The following TMTC2 variants were observed in gnomAD, a reference collection of about 807,000 sequenced individuals.
TMTC2 encodes the protein transmembrane O-mannosyltransferase targeting cadherins 2.
In TMTC2, 43 loss-of-function variants were observed where a neutral mutation model predicts 82.4. The observed-to-expected ratio is 0.52, with a 90% CI of 0.41 to 0.67. TMTC2 has a LOEUF of 0.67. Among genes scored for constraint, TMTC2 ranks in the 30% least tolerant of loss-of-function variants. TMTC2 has a pLI of 0.00. For missense variants in TMTC2, 919 were observed against 1,012.4 expected (o/e 0.91, Z 1.25); for synonymous variants, 408 against 381.9 (o/e 1.07, Z -0.80).
chr12:83,083,242 A>G (rs775999993), intron 11 of TMTC2, among the ~76,000 whole-genome samples: 1 of 152,218 alleles, frequency 6.6e-6, no homozygotes, highest in Non-Finnish European at 1.5e-5. Context: ...CTGCCAAGCT[A>G]CATAGACAAT....
chr12:83,005,213 A>G (rs1880130807), intron 8 of TMTC2, among the ~76,000 whole-genome samples: 2 of 63,366 alleles, frequency 3.2e-5, no homozygotes, highest in Non-Finnish European at 8.4e-5. Flanking sequence ...TATTAAAAAA[A>G]AAAAAAAAAA....
chr12:82,931,829 T>C (rs1404379712), intron 4 of TMTC2, among the ~76,000 whole-genome samples: 2 of 152,178 alleles, frequency 1.3e-5, no homozygotes, highest in African/African-American at 4.8e-5. Flanking sequence ...AGTGTCTGTA[T>C]TAATCCCGGA....
Position 82,891,403 on chromosome 12 carries a change from G to A in TMTC2, c.655-4415G>A, listed in dbSNP as rs375422424. 5.3e-5 allele frequency among the ~76,000 whole-genome samples: 8 copies of A among 152,232 alleles called. No homozygotes were observed. The East Asian group carries it at 1.4e-3, about 26-fold the overall frequency. On this transcript the variant is annotated intron_variant, in intron 2 of 11. Coordinates refer to ENST00000321196, the MANE Select transcript of TMTC2 (RefSeq NM_152588.3). The stretch of plus-strand genomic sequence containing the variant: ...GGCTCACTGCAACCTCCGCCTCCTG[G>A]GTTCAAGCGATTCTGCTGCCTCAGC...
chr12:82,952,987 A>AT (rs1877425590), intron 4 of TMTC2, among the ~76,000 whole-genome samples: 1 of 152,176 alleles, frequency 6.6e-6, no homozygotes, highest in South Asian at 2.1e-4. Context: ...CCAGTTACAC[A>AT]TTTTTTAAAT....
At chr12:83,102,653 G>C (rs1884258871) in intron 11 of TMTC2, among the ~76,000 whole-genome samples, 1 of 152,204 alleles carries the variant, frequency 6.6e-6, no homozygotes, top group Non-Finnish European at 1.5e-5. Flanking sequence ...TCCAACCGTG[G>C]ATAGCATTCC....
chr12:82,863,384 G>A (rs898209935), intron 2 of TMTC2, among the ~76,000 whole-genome samples: 2 of 152,082 alleles, frequency 1.3e-5, no homozygotes, highest in Non-Finnish European at 2.9e-5. Flanking sequence ...AGGGCTGTTT[G>A]TTAGGCCCTT....
intron 11 of TMTC2, among the ~76,000 whole-genome samples, chr12:83,111,788 A>G (rs1331455058): frequency 2.0e-5 from 3 of 152,304 alleles, no homozygotes; most frequent in East Asian, 1.9e-4. Flanking sequence ...ACATTTAAAA[A>G]GGAAAAATTA....
At chr12:83,126,656 G>T (rs1208401216) in intron 11 of TMTC2, among the ~76,000 whole-genome samples, 1 of 152,030 alleles carries the variant, frequency 6.6e-6, no homozygotes, top group African/African-American at 2.4e-5. Context: ...CTTAACAATT[G>T]GATGTGAGTA....
At position 82,736,977 on chromosome 12, in the gene TMTC2, A is replaced by C. The variant is rs181623295; in HGVS notation, c.83+49308A>C. Among the ~76,000 whole-genome samples the C allele has an allele frequency of 8.5e-5, 13 of 152,324 alleles. No homozygotes were observed. The East Asian group carries it at 2.3e-3, about 27-fold the overall frequency. On this transcript the variant is annotated intron_variant, in intron 1 of 11. Coordinates refer to ENST00000321196, the MANE Select transcript of TMTC2 (RefSeq NM_152588.3). ...AACTAATGTACCCATGATTTTAGAC[A>C]TTCTTAAATCACATAAAATGTAAGC...
intron 2 of TMTC2, among the ~76,000 whole-genome samples, chr12:82,881,479 T>G (rs1006673901): frequency 2.6e-5 from 4 of 152,230 alleles, no homozygotes; most frequent in Non-Finnish European, 5.9e-5. Flanking sequence ...TTCATCTATT[T>G]AGATTGGTCA....
intron 3 of TMTC2, among the ~76,000 whole-genome samples, chr12:82,911,022 A>T (rs1874618434): frequency 6.6e-6 from 1 of 151,978 alleles, no homozygotes; most frequent in Non-Finnish European, 1.5e-5. Flanking sequence ...CTGGGACTAC[A>T]GGCGTCCGCC....
At chr12:82,719,085 ATTTTTTT>A (rs71068944) in intron 1 of TMTC2, among the ~76,000 whole-genome samples, 28 of 41,400 alleles carry the variant, frequency 6.8e-4, no homozygotes, top group African/African-American at 3.0e-3. Flanking sequence ...ATATATATAT[ATTTTTTT>A]TTTTTTTTTT....
chr12:82,946,886 C>T (rs1055717360), intron 4 of TMTC2, among the ~76,000 whole-genome samples: 3 of 151,880 alleles, frequency 2.0e-5, no homozygotes, highest in African/African-American at 4.8e-5. Flanking sequence ...GGACTACAGG[C>T]GCCCGCCACC....
chr12:83,058,319 C>T (rs1882618252), intron 10 of TMTC2, among the ~76,000 whole-genome samples: 1 of 151,768 alleles, frequency 6.6e-6, no homozygotes, highest in Non-Finnish European at 1.5e-5. Flanking sequence ...ACCAACAAAA[C>T]AAAAAACCCT....
At chr12:83,036,811 T>G (rs186656875) in intron 9 of TMTC2, among the ~76,000 whole-genome samples, 16 of 152,254 alleles carry the variant, frequency 1.1e-4, no homozygotes, top group African/African-American at 3.9e-4. Flanking sequence ...GGGCATTGCC[T>G]TTGCTTCTGG....
At chr12:82,769,983 G>A (rs2136993657) in intron 1 of TMTC2, among the ~76,000 whole-genome samples, 1 of 152,228 alleles carries the variant, frequency 6.6e-6, no homozygotes, top group South Asian at 2.1e-4. Flanking sequence ...GAAAAACCAA[G>A]ATGCCTATAT....
At chr12:83,000,257 C>T (rs2137365731) in intron 8 of TMTC2, among the ~76,000 whole-genome samples, 1 of 152,266 alleles carries the variant, frequency 6.6e-6, no homozygotes, top group South Asian at 2.1e-4. Context: ...GCCTCAGCCT[C>T]CCAAGTAGCT....
chr12:82,880,468 T>C (rs1377852913), intron 2 of TMTC2, among the ~76,000 whole-genome samples: 2 of 152,192 alleles, frequency 1.3e-5, no homozygotes, highest in South Asian at 4.1e-4. Context: ...CAGGGCACCA[T>C]ACAAGGGGAC....
chr12:82,785,094 G>A (rs931089025), intron 1 of TMTC2, among the ~76,000 whole-genome samples: 4 of 152,028 alleles, frequency 2.6e-5, no homozygotes, highest in Non-Finnish European at 5.9e-5. Context: ...GTCATGTATA[G>A]GATTCATAGA....
Sources: allele counts gnomAD v4.1 joint callset (sites outside exome capture counted in the v4.1 genomes callset), GRCh38; gene constraint gnomAD v4.1.1; transcripts MANE v1.5; gene names NCBI Gene and HGNC (gene_info 2026-07-23, HGNC 2026-07-21).